The following ALPK2 variants were observed in gnomAD, a reference collection of about 807,000 sequenced individuals.
ALPK2 encodes alpha kinase 2, also known as alpha-protein kinase 2.
A neutral mutation model predicts 163.1 loss-of-function variants in ALPK2; 127 were observed. That is an observed-to-expected ratio of 0.78 (90% CI 0.67 to 0.90). The LOEUF (loss-of-function observed/expected upper bound fraction) is 0.90. ALPK2 is among the 40% of genes least tolerant of loss of function. The pLI, the probability that ALPK2 is intolerant of heterozygous loss-of-function variation, is 0.00. For missense variants in ALPK2, 2,360 were observed against 2,589.6 expected, an observed-to-expected ratio of 0.91 and a Z score of 1.92; for synonymous variants, 953 against 959.1, an observed-to-expected ratio of 0.99 and a Z score of 0.12.
chr18:58,524,951 CAAAAAAA>C (rs377122433), intron 6 of ALPK2, among the ~76,000 whole-genome samples: 1 of 106,124 alleles, frequency 9.4e-6, no homozygotes. Flanking sequence ...TACTCTACAG[CAAAAAAA>C]AAAAAAAAAA....
At chr18:58,601,339 G>T (rs192068389) in intron 3 of ALPK2, among the ~76,000 whole-genome samples, 67 of 152,282 alleles carry the variant, frequency 4.4e-4, no homozygotes, top group African/African-American at 1.0e-3. Flanking sequence ...GCAAATAGAT[G>T]ATTTAAAAGA....
chr18:58,491,917 G>A (rs1253522345), intron 12 of ALPK2, among the ~76,000 whole-genome samples: 1 of 152,216 alleles, frequency 6.6e-6, no homozygotes, highest in African/African-American at 2.4e-5. Context: ...ACCATTCAGA[G>A]GAGCAGCTGG....
intron 6 of ALPK2, among the ~76,000 whole-genome samples, chr18:58,526,005 G>C (rs943438158): frequency 1.4e-5 from 2 of 145,972 alleles, no homozygotes; most frequent in Non-Finnish European, 3.0e-5. Flanking sequence ...CCTTGCCCTT[G>C]AGGGTCTTCT....
rs369847798 is a variant in ALPK2, at chr18:58,535,808, G to T, written c.4379C>A (p.Thr1460Asn). The change falls in exon 5 of 13, where the codon ACC becomes AAC. Residue 1460 changes from threonine to asparagine, a missense_variant. By Grantham distance (65) the Thr-to-Asn change is moderately conservative. Transcript: ENST00000361673. ...AILQVPCLQG[T>N]ILSENRISRS... ...GCTGATTCTATTTTCACTCAGAATG[G>T]TTCCCTGGAGACATGGAACTTGCAA... 41 of 1,614,060 alleles carry T rather than the reference G, an allele frequency of 2.5e-5. No individual in the cohort carries two copies. In the African/African-American group the frequency reaches 4.0e-4, roughly 16 times the overall value.
chr18:58,523,754 A>G (rs2051568474), intron 8 of ALPK2, 52 bp downstream of exon 8: 3 of 1,610,822 alleles, frequency 1.9e-6, no homozygotes, highest in African/African-American at 1.3e-5. Context: ...GAGCTATTTT[A>G]TGCTTTACAG....
intron 11 of ALPK2, among the ~76,000 whole-genome samples, chr18:58,502,138 A>G (rs1361007687): frequency 1.3e-5 from 1 of 77,908 alleles, no homozygotes; most frequent in Non-Finnish European, 2.9e-5. Context: ...CCATCTCCAC[A>G]CACACACACA....
At chr18:58,523,913 T>C (rs369284472) in intron 7 of ALPK2, 22 bp downstream of exon 7, 6 of 1,613,942 alleles carry the variant, frequency 3.7e-6, no homozygotes, top group African/African-American at 1.3e-5. Context: ...CCAGTGGTTT[T>C]TCATTGAAAA....
intron 4 of ALPK2, among the ~76,000 whole-genome samples, chr18:58,573,234 G>GTGTGTATATGTGTATATA (rs2051895924): frequency 8.6e-6 from 1 of 116,516 alleles, no homozygotes; most frequent in East Asian, 2.0e-4. Flanking sequence ...GTGTATATGT[G>GTGTGTATATGTGTATATA]TGTATATATG....
chr18:58,500,238 GAAA>G (rs10570591), intron 11 of ALPK2, among the ~76,000 whole-genome samples: 50 of 114,452 alleles, frequency 4.4e-4, no homozygotes, highest in East Asian at 8.8e-4. Context: ...ACTATGCTTT[GAAA>G]AAAAAAAAAA....
intron 11 of ALPK2, among the ~76,000 whole-genome samples, chr18:58,498,328 C>G (rs553591955): frequency 1.3e-5 from 2 of 152,176 alleles, no homozygotes; most frequent in African/African-American, 4.8e-5. Flanking sequence ...GCCCTCTCGG[C>G]TCTGGAAATG....
At chr18:58,573,266 A>ATATATGTGTATATATGTG (rs1197357765) in intron 4 of ALPK2, among the ~76,000 whole-genome samples, 1 of 33,398 alleles carries the variant, frequency 3.0e-5, no homozygotes, top group South Asian at 1.5e-3. Context: ...ATATATGTGT[A>ATATATGTGTATATATGTG]TATATATGTA....
chr18:58,549,188 A>T (rs1036958516), intron 4 of ALPK2, among the ~76,000 whole-genome samples: 1 of 152,194 alleles, frequency 6.6e-6, no homozygotes, highest in African/African-American at 2.4e-5. Flanking sequence ...CACTTAGAAG[A>T]CATCAGCATA....
intron 1 of ALPK2, among the ~76,000 whole-genome samples, chr18:58,620,894 G>A (rs181535621): frequency 3.3e-5 from 5 of 152,150 alleles, no homozygotes; most frequent in African/African-American, 7.2e-5. Context: ...GGTGGCTCCC[G>A]TGTGTAATCC....
intron 3 of ALPK2, chr18:58,580,833 T>C (rs1384618216): frequency 4.9e-6 from 2 of 408,208 alleles, no homozygotes; most frequent in Non-Finnish European, 8.9e-6. Context: ...ACAAATGCCA[T>C]GGCAGGGTCA....
At chr18:58,531,981 G>A (rs1479645715) in intron 5 of ALPK2, among the ~76,000 whole-genome samples, 1 of 147,300 alleles carries the variant, frequency 6.8e-6, no homozygotes, top group African/African-American at 2.5e-5. Flanking sequence ...GTTGTCAAGG[G>A]CTGGCCCTCT....
chr18:58,506,330 A>G (rs745951147), intron 10 of ALPK2, among the ~76,000 whole-genome samples: 1 of 151,880 alleles, frequency 6.6e-6, no homozygotes, highest in Non-Finnish European at 1.5e-5. Context: ...CAATACAGCC[A>G]CGTAACACAC....
At position 58,605,430 on chromosome 18, in the gene ALPK2, C is replaced by T. The variant is rs553292111; in HGVS notation, c.227+1892G>A. Reference sequence around the variant, plus strand: ...GGGAGAGATATAGATAGATAGATGTCTCCATCCATCCTTTCAACAAATATT... The same window carrying T: ...GGGAGAGATATAGATAGATAGATGTTTCCATCCATCCTTTCAACAAATATT... On this transcript the variant is annotated intron_variant, in intron 3 of 12. Transcript: ENST00000361673. 3.9e-5 allele frequency among the ~76,000 whole-genome samples: 6 copies of T among 152,310 alleles called. No individual in the cohort carries two copies. In the East Asian group the frequency reaches 9.6e-4, roughly 24 times the overall value.
At chr18:58,552,496 G>C (rs11662545) in intron 4 of ALPK2, among the ~76,000 whole-genome samples, 41 of 152,142 alleles carry the variant, frequency 2.7e-4, no homozygotes, top group Non-Finnish European at 3.8e-4. Flanking sequence ...TAATCTACTT[G>C]GGGGAGAAGA....
At position 58,580,801 on chromosome 18, in the gene ALPK2, G is replaced by A. The variant is rs2051954936; in HGVS notation, c.228-253C>T. ...AACGCTGCCTCAAATGGAAAATGCT[G>A]AGGATTGCACCATGACAGTTTACAA... On this transcript the variant is annotated intron_variant, in intron 3 of 12. Coordinates refer to ENST00000361673, the MANE Select transcript of ALPK2 (RefSeq NM_052947.4). 3 of 509,732 alleles carry A rather than the reference G, an allele frequency of 5.9e-6. No homozygotes were observed. In the Admixed American group the frequency reaches 1.0e-4, roughly 17 times the overall value. The allele number at this position is 509,732 out of a possible 1,614,324, so 31.6% of individuals were successfully genotyped here.
Sources: gnomAD v4.1 joint callset for allele counts (sites outside exome capture counted in the v4.1 genomes callset) on GRCh38, gnomAD v4.1.1 for gene constraint, MANE v1.5 for transcripts, NCBI Gene and HGNC (gene_info 2026-07-23, HGNC 2026-07-21) for gene names.